The following CACNA1D variants were observed in gnomAD, a reference collection of about 807,000 sequenced individuals.
CACNA1D encodes voltage-dependent L-type calcium channel subunit alpha-1D.
In CACNA1D, 55 loss-of-function variants were observed where a neutral mutation model predicts 257.1. The ratio of observed to expected loss-of-function variants is 0.21; its 90% CI spans 0.17 to 0.27. CACNA1D has a LOEUF of 0.27. Among genes scored for constraint, CACNA1D ranks in the 10% least tolerant of loss-of-function variants. The pLI, the probability that CACNA1D is intolerant of heterozygous loss-of-function variation, is 1.00. For synonymous variants in CACNA1D, 980 were observed against 1,014.9 expected (o/e 0.97, Z 0.65); for missense variants, 1,876 against 2,784.0 (o/e 0.67, Z 7.34).
At chr3:53,580,626 T>A (rs993778102) in intron 3 of CACNA1D, among the ~76,000 whole-genome samples, 3 of 152,210 alleles carry the variant, frequency 2.0e-5, no homozygotes, top group African/African-American at 7.2e-5. Context: ...TAATAAAGCA[T>A]CCTCATAACC....
intron 3 of CACNA1D, among the ~76,000 whole-genome samples, chr3:53,626,179 G>A (rs780398426): frequency 4.6e-5 from 7 of 152,200 alleles, no homozygotes; most frequent in Non-Finnish European, 8.8e-5. Context: ...CACTGGTGTA[G>A]TGTGGCAGGT....
intron 3 of CACNA1D, among the ~76,000 whole-genome samples, chr3:53,643,180 C>A (rs1294559101): frequency 6.6e-6 from 1 of 152,168 alleles, no homozygotes; most frequent in African/African-American, 2.4e-5. Flanking sequence ...GGCAAACAGA[C>A]TACTGTAGCC....
At chr3:53,669,777 T>C (rs1375396371) in intron 7 of CACNA1D, among the ~76,000 whole-genome samples, 1 of 152,196 alleles carries the variant, frequency 6.6e-6, no homozygotes, top group Non-Finnish European at 1.5e-5. Context: ...TCCATAAATA[T>C]AATTGAGCTG....
At chr3:53,589,482 C>T (rs555540695) in intron 3 of CACNA1D, among the ~76,000 whole-genome samples, 4 of 152,254 alleles carry the variant, frequency 2.6e-5, no homozygotes, top group South Asian at 2.1e-4. Flanking sequence ...GAATCAAGGT[C>T]GGCCTTGTCC....
In CACNA1D at chr3:53,560,116, G is replaced by T. The variant is rs2092712840; in HGVS notation, c.483+58396G>T. 5.7e-5 allele frequency among the ~76,000 whole-genome samples: 8 copies of T among 141,130 alleles called. No homozygotes were observed. In the South Asian group the frequency reaches 1.8e-3, roughly 32 times the overall value. 92.6% of individuals were successfully genotyped at this position (141,130 alleles called of 152,430 possible). A position where few individuals can be genotyped will look rare whatever the true frequency, so the allele number is the denominator to read the frequency against. On this transcript the variant is annotated intron_variant, in intron 3 of 47. Transcript: ENST00000350061. Reference sequence around the variant, plus strand: ...GCCAGAAAATGAGGGTTCTCTTCAGGTTATTTCTGTCCATACCCAGCTAGC... The same window carrying T: ...GCCAGAAAATGAGGGTTCTCTTCAGTTTATTTCTGTCCATACCCAGCTAGC...
chr3:53,764,569 C>T (rs775763067), intron 30 of CACNA1D, among the ~76,000 whole-genome samples: 77 of 152,332 alleles, frequency 5.1e-4, no homozygotes, highest in Non-Finnish European at 9.4e-4. Flanking sequence ...TCACGCCTGA[C>T]CTGCCTGCTG....
intron 15 of CACNA1D, among the ~76,000 whole-genome samples, chr3:53,728,671 C>T (rs1471850171): frequency 6.6e-6 from 1 of 152,220 alleles, no homozygotes; most frequent in East Asian, 1.9e-4. Context: ...TTCCCTGGTG[C>T]TTGTCTGTGG....
chr3:53,623,148 G>A (rs1429881970), intron 3 of CACNA1D, among the ~76,000 whole-genome samples: 1 of 152,180 alleles, frequency 6.6e-6, no homozygotes, highest in Admixed American at 6.5e-5. Context: ...TTGGCCTTCC[G>A]AAGTGCTGGG....
At chr3:53,706,810 C>T (rs1031259809) in intron 9 of CACNA1D, among the ~76,000 whole-genome samples, 1 of 152,086 alleles carries the variant, frequency 6.6e-6, no homozygotes, top group African/African-American at 2.4e-5. Context: ...CCTATTATTC[C>T]ATCCACACCC....
At chr3:53,584,671 C>G (rs2093184882) in intron 3 of CACNA1D, among the ~76,000 whole-genome samples, 1 of 152,196 alleles carries the variant, frequency 6.6e-6, no homozygotes, top group East Asian at 1.9e-4. Context: ...CCCAGCTTAA[C>G]TGTAAGTTCC....
chr3:53,669,710 G>A (rs965540326), intron 7 of CACNA1D, among the ~76,000 whole-genome samples: 2 of 152,184 alleles, frequency 1.3e-5, no homozygotes, highest in African/African-American at 4.8e-5. Context: ...GTGGGAAGTG[G>A]GATCATTAAG....
intron 3 of CACNA1D, among the ~76,000 whole-genome samples, chr3:53,502,560 A>T (rs997274218): frequency 2.0e-5 from 3 of 150,374 alleles, no homozygotes; most frequent in Non-Finnish European, 3.0e-5. Context: ...TTTTTTTTTA[A>T]AAAAAAAGCA....
At chr3:53,761,101 A>T (rs1480587300) in intron 29 of CACNA1D, among the ~76,000 whole-genome samples, 1 of 152,200 alleles carries the variant, frequency 6.6e-6, no homozygotes, top group South Asian at 2.1e-4. Context: ...AGTTGGGGTT[A>T]GGCAATTAGG....
In CACNA1D at chr3:53,670,200, C is replaced by T. The variant is rs556209295; in HGVS notation, c.1117-2823C>T. 4.6e-5 allele frequency among the ~76,000 whole-genome samples: 7 copies of T among 152,270 alleles called. No homozygotes were observed. The South Asian group carries it at 6.2e-4, about 14-fold the overall frequency. Reference sequence around the variant, plus strand: ...CCTAGGAAATCTCTCTGTAACCAGCCGAGGGCTTGCCTTTTTCTTATTGCA... The same window carrying T: ...CCTAGGAAATCTCTCTGTAACCAGCTGAGGGCTTGCCTTTTTCTTATTGCA... On this transcript the variant is annotated intron_variant, in intron 7 of 47. Transcript: ENST00000350061.
intron 3 of CACNA1D, among the ~76,000 whole-genome samples, chr3:53,555,210 C>T (rs1398827330): frequency 6.6e-6 from 1 of 152,178 alleles, no homozygotes; most frequent in East Asian, 1.9e-4. Flanking sequence ...CATTTAGTGT[C>T]ACGGGCTTGT....
At chr3:53,645,060 C>T (rs1410449442) in intron 3 of CACNA1D, among the ~76,000 whole-genome samples, 2 of 152,130 alleles carry the variant, frequency 1.3e-5, no homozygotes, top group African/African-American at 4.8e-5. Flanking sequence ...ATTTATATTT[C>T]CTTGATGATT....
At chr3:53,743,622 A>T (rs1179290487) in intron 22 of CACNA1D, among the ~76,000 whole-genome samples, 1 of 152,254 alleles carries the variant, frequency 6.6e-6, no homozygotes, top group Non-Finnish European at 1.5e-5. Flanking sequence ...CAAGGCTGAA[A>T]GTCAGGGCCC....
At chr3:53,718,601 C>CCCCCCCAAAAAAAA in intron 10 of CACNA1D, 1 of 1,103,194 alleles carries the variant, frequency 9.1e-7, no homozygotes, top group Non-Finnish European at 1.3e-6. Context: ...CCCCCCGGCC[C>CCCCCCCAAAAAAAA]AGCATTTCAC....
At chr3:53,565,886 T>C (rs2092825238) in intron 3 of CACNA1D, among the ~76,000 whole-genome samples, 1 of 152,230 alleles carries the variant, frequency 6.6e-6, no homozygotes, top group Non-Finnish European at 1.5e-5. Context: ...GGAATACTTC[T>C]GCTCCCCAAA....
Sources: gnomAD v4.1 joint callset for allele counts (sites outside exome capture counted in the v4.1 genomes callset) on GRCh38, gnomAD v4.1.1 for gene constraint, MANE v1.5 for transcripts, NCBI Gene and HGNC (gene_info 2026-07-23, HGNC 2026-07-21) for gene names.